The following ZC3H12C variants were observed in gnomAD, a reference collection of about 807,000 sequenced individuals.
The protein encoded by ZC3H12C is probable ribonuclease ZC3H12C.
A neutral mutation model predicts 76.3 loss-of-function variants in ZC3H12C; 20 were observed. That is an observed-to-expected ratio of 0.26 (90% confidence interval 0.18 to 0.38). The LOEUF is 0.38. ZC3H12C is among the 10% of genes least tolerant of loss of function. The pLI, the probability that ZC3H12C is intolerant of heterozygous loss-of-function variation, is 1.00. For synonymous variants in ZC3H12C, 352 were observed against 399.6 expected, an observed-to-expected ratio of 0.88 and a Z score of 1.42; for missense variants, 874 against 1,086.5, an observed-to-expected ratio of 0.80 and a Z score of 2.75.
intron 1 of ZC3H12C, among the ~76,000 whole-genome samples, chr11:110,127,540 G>A (rs1861772100): frequency 6.6e-6 from 1 of 151,988 alleles, no homozygotes; most frequent in Admixed American, 6.6e-5. Context: ...TCAACGTTTT[G>A]GGGACAGTTG....
At chr11:110,130,545 ACT>A (rs1444210527) in intron 1 of ZC3H12C, among the ~76,000 whole-genome samples, 5 of 152,314 alleles carry the variant, frequency 3.3e-5, no homozygotes, top group African/African-American at 1.2e-4. Context: ...ACTTTGACAC[ACT>A]TCATTTTCTT....
rs1201945813 is a variant in ZC3H12C, at chr11:110,164,874, T to C, written c.1789T>C (p.Ser597Pro). 3.1e-6 allele frequency: 5 copies of C among 1,614,018 alleles called. No individual in the cohort carries two copies. Among genetic ancestry groups the C allele is most frequent in the Non-Finnish European group, 4.2e-6 (5 of 1,179,892 alleles). ...IGYYSMLNAY[S>P]NLSLSGPRSP... ...ATATTATTCCATGTTGAATGCATAC[T>C]CAAATCTGAGTCTCTCAGGCCCACG... The change falls in exon 6 of 6, where the codon TCA becomes CCA. Residue 597 changes from serine (S) to proline (P), a missense_variant. By Grantham distance (74) the Ser-to-Pro change is moderately conservative. Around this residue, in one of 3 missense-constraint regions of ZC3H12C, gnomAD observed 395 missense variants for 434.4 expected, o/e 0.91. Transcript: ENST00000278590. The surrounding 1 kb of genome is among the most constrained non-coding windows in gnomAD (Gnocchi z 5.7).
At chr11:110,096,743 G>C (rs1031647209) in intron 1 of ZC3H12C, among the ~76,000 whole-genome samples, 1 of 152,236 alleles carries the variant, frequency 6.6e-6, no homozygotes, top group Admixed American at 6.5e-5. Context: ...TAGTGAGTAT[G>C]TAAGACGAGA....
chr11:110,099,269 T>C (rs183032182), intron 1 of ZC3H12C, among the ~76,000 whole-genome samples: 224 of 152,286 alleles, frequency 1.5e-3, no homozygotes, highest in African/African-American at 5.0e-3. Flanking sequence ...CAGAATAAAC[T>C]TGAAGGTTTT....
chr11:110,161,528 T>A (rs1254428475), intron 4 of ZC3H12C, among the ~76,000 whole-genome samples: 1 of 152,140 alleles, frequency 6.6e-6, no homozygotes, highest in Non-Finnish European at 1.5e-5. Flanking sequence ...TGCAAATGAA[T>A]CTAAAAAGAA....
intron 4 of ZC3H12C, among the ~76,000 whole-genome samples, chr11:110,162,516 T>G (rs560900159): frequency 6.5e-4 from 99 of 152,352 alleles, no homozygotes; most frequent in Non-Finnish European, 1.0e-3. Flanking sequence ...AATAGCAGAA[T>G]TCTTCAAGCA....
intron 2 of ZC3H12C, among the ~76,000 whole-genome samples, chr11:110,139,869 C>CTTTTTTTTTTTTTTTTTTTTTTTTTTTTT (rs58867910): frequency 1.5e-5 from 2 of 131,528 alleles, no homozygotes; most frequent in South Asian, 2.4e-4. Context: ...CATATATTTT[C>CTTTTTTTTTTTTTTTTTTTTTTTTTTTTT]TTTTTTTTTT....
intron 1 of ZC3H12C, among the ~76,000 whole-genome samples, chr11:110,117,032 A>G (rs1423685559): frequency 6.6e-6 from 1 of 152,258 alleles, no homozygotes; most frequent in Non-Finnish European, 1.5e-5. Flanking sequence ...TGGAAATAGT[A>G]GTCCCTTTAT....
chr11:110,115,748 CTTTTTTTT>C (rs71476067), intron 1 of ZC3H12C, among the ~76,000 whole-genome samples: 1 of 120,320 alleles, frequency 8.3e-6, no homozygotes, highest in South Asian at 2.5e-4. Context: ...TTCTCATTTT[CTTTTTTTT>C]TTTTTTTTTT....
intron 1 of ZC3H12C, among the ~76,000 whole-genome samples, chr11:110,131,935 C>G (rs1861873901): frequency 6.6e-6 from 1 of 152,144 alleles, no homozygotes; most frequent in Admixed American, 6.5e-5. Flanking sequence ...ATCTGTTGCC[C>G]CAGAGCATTA....
chr11:110,095,648 A>C (rs924510977), intron 1 of ZC3H12C, among the ~76,000 whole-genome samples: 2 of 152,222 alleles, frequency 1.3e-5, no homozygotes, highest in Admixed American at 1.3e-4. Flanking sequence ...ATTATGAACG[A>C]ACATAATGCT....
chr11:110,138,285 A>G (rs910075487), intron 2 of ZC3H12C, among the ~76,000 whole-genome samples: 3 of 152,154 alleles, frequency 2.0e-5, no homozygotes, highest in African/African-American at 7.2e-5. Context: ...TTAGAGTTTC[A>G]TATGCAGTTT....
chr11:110,136,237 A>G (rs1264534520), intron 1 of ZC3H12C: 2 of 153,918 alleles, frequency 1.3e-5, no homozygotes, highest in African/African-American at 4.8e-5. Flanking sequence ...TCTGTTAGAG[A>G]AAAATGTAAA....
chr11:110,110,160 A>G (rs1160867858), intron 1 of ZC3H12C, among the ~76,000 whole-genome samples: 2 of 152,160 alleles, frequency 1.3e-5, no homozygotes, highest in Non-Finnish European at 2.9e-5. Flanking sequence ...TGTGGATAGG[A>G]GAAATAAAAC....
intron 1 of ZC3H12C, among the ~76,000 whole-genome samples, chr11:110,121,765 T>C (rs1168899562): frequency 6.6e-6 from 1 of 151,610 alleles, no homozygotes; most frequent in Non-Finnish European, 1.5e-5. Context: ...CTACATTGAT[T>C]CTTAATAAGA....
intron 1 of ZC3H12C, among the ~76,000 whole-genome samples, chr11:110,100,314 G>A (rs1034472788): frequency 5.3e-5 from 8 of 151,362 alleles, no homozygotes; most frequent in South Asian, 2.1e-4. Context: ...AAAGTGCTGG[G>A]ATTACAGGCG....
At chr11:110,109,705 G>A (rs1052057055) in intron 1 of ZC3H12C, among the ~76,000 whole-genome samples, 2 of 151,990 alleles carry the variant, frequency 1.3e-5, no homozygotes, top group African/African-American at 4.8e-5. Flanking sequence ...TCTATTAGAT[G>A]CATTTACAAC....
rs1288829370 is a variant in ZC3H12C, at chr11:110,137,248, G to A, written c.607G>A (p.Gly203Arg). ...TATTTTGGGAGAACTTGTCAAACTT[G>A]GAAATAAAAGTGAGGCTGATCAAAC... Reference protein sequence around the residue: ...NDILGELVKLGNKSEADQTVS... With the variant: ...NDILGELVKLRNKSEADQTVS... Residue 203 changes from glycine (G) to arginine (R), a missense_variant, in exon 2 of 6, where the codon GGA (glycine) becomes AGA (arginine). This residue lies in a region of ZC3H12C where 269 missense variants were observed against 424.9 expected (regional missense o/e 0.63). Transcript: ENST00000278590. 1 of 1,613,844 alleles carries A rather than the reference G, an allele frequency of 6.2e-7. No homozygotes were observed. The highest frequency in any genetic ancestry group is 1.1e-5 in the South Asian group (1 of 91,074).
Position 110,137,088 on chromosome 11 carries a change from C to A in ZC3H12C, c.447C>A (p.Ser149=), listed in dbSNP as rs371033103. Residue 149 remains serine (S), a synonymous_variant, in exon 2 of 6, where the codon TCC becomes TCA. Coordinates refer to ENST00000278590, the MANE Select transcript of ZC3H12C (RefSeq NM_033390.2). ...AACCTGAAGAGTCCCAGACTACATC[C>A]AAGGAAGCAAAGAAACCACCTGATG... ...DFKPEESQTT[S]KEAKKPPDVV... 18 of 1,613,668 alleles carry A rather than the reference C, an allele frequency of 1.1e-5. No homozygotes were observed. In the African/African-American group the frequency reaches 2.4e-4, roughly 22 times the overall value.
Sources: gnomAD v4.1 joint callset for allele counts (sites outside exome capture counted in the v4.1 genomes callset) on GRCh38, gnomAD v4.1.1 for gene constraint, gnomAD v4.1.1 regional missense constraint, Gnocchi (gnomAD v3.1) non-coding constraint, MANE v1.5 for transcripts, NCBI Gene and HGNC (gene_info 2026-07-23, HGNC 2026-07-21) for gene names.